EPM2A: variants seen among roughly 807,000 people sequenced by gnomAD.
EPM2A encodes EPM2A glucan phosphatase, laforin.
EPM2A carries 21 observed loss-of-function variants against 26.5 expected under a neutral mutation model. That is an observed-to-expected ratio of 0.79 (90% CI 0.56 to 1.14). EPM2A has a LOEUF of 1.14. Among genes scored for constraint, EPM2A ranks in the 50% most tolerant of loss-of-function variants. The probability of loss-of-function intolerance (pLI) is 0.00; values close to 1 mark genes in which losing one functional copy is unlikely to be tolerated. For synonymous variants in EPM2A, 217 were observed against 177.6 expected (o/e 1.22, Z -1.76); for missense variants, 458 against 440.8 (o/e 1.04, Z -0.35).
intron 4 of EPM2A, chr6:145,491,165 C>T: frequency 2.0e-6 from 1 of 512,496 alleles, no homozygotes; most frequent in Non-Finnish European, 3.8e-6. Context: ...TTGTTCCTGA[C>T]TTCAAGGGCT....
chr6:145,506,176 A>G (rs553242478), intron 2 of EPM2A, among the ~76,000 whole-genome samples: 1 of 152,232 alleles, frequency 6.6e-6, no homozygotes, highest in Non-Finnish European at 1.5e-5. Flanking sequence ...AGCATAGTTG[A>G]TTTGTGTTAT....
intron 1 of EPM2A, among the ~76,000 whole-genome samples, chr6:145,723,427 T>C (rs899562129): frequency 5.3e-5 from 8 of 152,050 alleles, no homozygotes; most frequent in Non-Finnish European, 1.0e-4. Flanking sequence ...TACATATGCA[T>C]ACACACAGAA....
intron 2 of EPM2A, among the ~76,000 whole-genome samples, chr6:145,542,516 A>G (rs1459493558): frequency 6.6e-6 from 1 of 152,220 alleles, no homozygotes; most frequent in Non-Finnish European, 1.5e-5. Context: ...GAATATAACA[A>G]AGTCAACTGC....
intron 4 of EPM2A, among the ~76,000 whole-genome samples, chr6:145,438,704 C>T (rs1042112128): frequency 6.6e-6 from 1 of 152,022 alleles, no homozygotes; most frequent in Non-Finnish European, 1.5e-5. Context: ...AAACTCCTGA[C>T]CTCGTGATCC....
chr6:145,443,041 G>T (rs1779085872), intron 4 of EPM2A, among the ~76,000 whole-genome samples: 1 of 151,550 alleles, frequency 6.6e-6, no homozygotes, highest in African/African-American at 2.4e-5. Flanking sequence ...TTGTGTGTGT[G>T]TGTGTGTTTT....
chr6:145,596,347 A>C (rs1420668724), intron 2 of EPM2A, among the ~76,000 whole-genome samples: 2 of 152,150 alleles, frequency 1.3e-5, no homozygotes, highest in East Asian at 3.9e-4. Flanking sequence ...ATTGTTTTGG[A>C]GAGTTCCCTC....
chr6:145,421,864 A>C (rs1056673277), intron 4 of EPM2A, among the ~76,000 whole-genome samples: 4 of 150,868 alleles, frequency 2.7e-5, no homozygotes, highest in African/African-American at 9.7e-5. Context: ...CAGCTAAAAT[A>C]GAATTTAAGG....
chr6:145,401,539 T>C (rs765283456), intron 4 of EPM2A, among the ~76,000 whole-genome samples: 10 of 152,024 alleles, frequency 6.6e-5, no homozygotes, highest in Non-Finnish European at 1.3e-4. Context: ...TACCCCAAAG[T>C]CCCCCAAAAC....
intron 4 of EPM2A, among the ~76,000 whole-genome samples, chr6:145,427,346 G>C (rs993014809): frequency 2.0e-5 from 3 of 152,122 alleles, no homozygotes; most frequent in Non-Finnish European, 2.9e-5. Context: ...TGTGGATTTC[G>C]GGGCAGAGTG....
At position 145,422,192 on chromosome 6, in the gene EPM2A, A is replaced by G. The variant is rs1039159932; in HGVS notation, c.556-38095T>C. Among the ~76,000 whole-genome samples the G allele has an allele frequency of 3.4e-5, 5 of 146,326 alleles. No individual in the cohort carries two copies. In the Admixed American group the frequency reaches 3.4e-4, roughly 10 times the overall value. On this transcript the variant is annotated intron_variant, in intron 4 of 4. Transcript: ENST00000638717. ...TATTATAAAATTTTTACATAAATATATAATTATAGAAGTATATAGATCTCA... is the reference window on the plus strand; with the variant it reads ...TATTATAAAATTTTTACATAAATATGTAATTATAGAAGTATATAGATCTCA...
intron 4 of EPM2A, among the ~76,000 whole-genome samples, chr6:145,408,875 T>G (rs752338752): frequency 4.6e-5 from 7 of 152,134 alleles, no homozygotes; most frequent in Non-Finnish European, 1.0e-4. Flanking sequence ...GGAGCACTAA[T>G]GACATTCTTG....
At chr6:145,600,035 T>C (rs1056762253) in intron 2 of EPM2A, among the ~76,000 whole-genome samples, 3 of 152,222 alleles carry the variant, frequency 2.0e-5, no homozygotes, top group African/African-American at 7.2e-5. Flanking sequence ...AAAAATGATA[T>C]TGAATTTTAC....
intron 2 of EPM2A, among the ~76,000 whole-genome samples, chr6:145,676,847 G>T (rs934023404): frequency 1.3e-5 from 2 of 152,022 alleles, no homozygotes; most frequent in African/African-American, 4.8e-5. Context: ...TTCTATGAGA[G>T]GTACAAAGAG....
chr6:145,525,507 A>G (rs1464132493), intron 2 of EPM2A, among the ~76,000 whole-genome samples: 1 of 151,632 alleles, frequency 6.6e-6, no homozygotes, highest in Non-Finnish European at 1.5e-5. Context: ...TATTCTTGTA[A>G]AGATATTTTA....
intron 4 of EPM2A, among the ~76,000 whole-genome samples, chr6:145,435,808 T>G (rs1449824327): frequency 4.6e-5 from 7 of 152,216 alleles, no homozygotes. Flanking sequence ...TCATAAACTT[T>G]ATTTTTAGAG....
intron 2 of EPM2A, among the ~76,000 whole-genome samples, chr6:145,572,232 A>G (rs1780968070): frequency 6.6e-6 from 1 of 152,180 alleles, no homozygotes. Context: ...TGGTGCCTGC[A>G]TATTGTGCAG....
At chr6:145,589,261 G>A (rs140676245) in intron 2 of EPM2A, among the ~76,000 whole-genome samples, 1 of 152,070 alleles carries the variant, frequency 6.6e-6, no homozygotes, top group African/African-American at 2.4e-5. Flanking sequence ...CTTGGAAGAG[G>A]CTGTTCATTA....
intron 1 of EPM2A, among the ~76,000 whole-genome samples, chr6:145,688,443 A>T (rs1174155718): frequency 6.6e-6 from 1 of 152,198 alleles, no homozygotes; most frequent in African/African-American, 2.4e-5. Context: ...ATACAGTGGC[A>T]CTATTCACTG....
intron 4 of EPM2A, among the ~76,000 whole-genome samples, chr6:145,473,516 G>T (rs1292728662): frequency 6.6e-6 from 1 of 152,000 alleles, no homozygotes; most frequent in Non-Finnish European, 1.5e-5. Flanking sequence ...TAATAACAGA[G>T]AACTTCCCAA....
Sources: gnomAD v4.1 joint callset for allele counts (sites outside exome capture counted in the v4.1 genomes callset) on GRCh38, gnomAD v4.1.1 for gene constraint, MANE v1.5 for transcripts, NCBI Gene and HGNC (gene_info 2026-07-23, HGNC 2026-07-21) for gene names.